The following HAUS7 variants were observed in gnomAD, a reference collection of about 807,000 sequenced individuals.
The protein encoded by HAUS7 is HAUS augmin-like complex subunit 7.
HAUS7 carries 3 observed loss-of-function variants against 28.4 expected under a neutral mutation model. That is an observed-to-expected ratio of 0.11 (90% confidence interval 0.05 to 0.27). The LOEUF (loss-of-function observed/expected upper bound fraction) is 0.27, where lower values mean the gene tolerates loss of function less well. Among genes scored for constraint, HAUS7 ranks in the 10% least tolerant of loss-of-function variants. The pLI is 1.00. For missense variants in HAUS7, 284 were observed against 297.3 expected, an observed-to-expected ratio of 0.96 and a Z score of 0.33; for synonymous variants, 165 against 132.1, an observed-to-expected ratio of 1.25 and a Z score of -1.71.
At chrX:153,485,418 A>G (rs1185790345) in intron 1 of HAUS7, among the ~76,000 whole-genome samples, 1 of 111,818 alleles carries the variant, frequency 8.9e-6, no homozygotes, top group Non-Finnish European at 1.9e-5. Flanking sequence ...ATTAGGAGAC[A>G]GGAGACCCTG....
chrX:153,455,521 G>A lies in HAUS7; in HGVS notation c.930+21C>T, dbSNP rs6571304. 18,792 of 1,040,445 alleles carry A rather than the reference G, an allele frequency of 0.018. 901 individuals are homozygous for A. The African/African-American group carries it at 0.2, about 11-fold the overall frequency. The allele number at this position is 1,040,445 out of a possible 1,213,427, so 85.7% of individuals were successfully genotyped here. A position where few individuals can be genotyped will look rare whatever the true frequency, so the allele number is the denominator to read the frequency against. Reference sequence around the variant, plus strand: ...GAACAGGGGAGGGGGCGGTTAGAGGGGAGGGGAAGGGCACCCTTACTTGGC... The same window carrying A: ...GAACAGGGGAGGGGGCGGTTAGAGGAGAGGGGAAGGGCACCCTTACTTGGC... On this transcript the variant is annotated intron_variant, in intron 8 of 9. Coordinates refer to ENST00000370211, the MANE Select transcript of HAUS7 (RefSeq NM_001385482.1).
intron 9 of HAUS7, among the ~76,000 whole-genome samples, chrX:153,448,542 A>G: frequency 9.1e-6 from 1 of 110,431 alleles, no homozygotes; most frequent in Non-Finnish European, 1.9e-5. Flanking sequence ...TTAAAGTATA[A>G]TAAAAATATA....
chrX:153,455,540 A>T lies in HAUS7; in HGVS notation c.930+2T>A. 8.6e-7 allele frequency: 1 copy of T among 1,166,199 alleles called. No homozygotes were observed. ...TAGAGGGGAGGGGAAGGGCACCCTT[A>T]CTTGGCTGTAGGAAGTCAGATTCTG... On this transcript the variant is annotated splice_donor_variant, in intron 8 of 9. Coordinates refer to ENST00000370211, the MANE Select transcript of HAUS7 (RefSeq NM_001385482.1). LOFTEE classifies it high-confidence loss of function.
chrX:153,470,530 G>C lies in HAUS7; in HGVS notation c.28C>G (p.Arg10Gly). The C allele has an allele frequency of 2.5e-6, 3 of 1,197,454 alleles. No individual in the cohort carries two copies. The highest frequency in any genetic ancestry group is 3.6e-5 in the South Asian group (2 of 54,883). ...TCCTCTGAGTAGTCGTCGCCGCCAC[G>C]GCCGCAGCCAGCGTCCTGCCCCGCC... MAGQDAGCGRGGDDYSEDEG... is the reference protein window; with the variant it reads MAGQDAGCGGGGDDYSEDEG... Residue 10 changes from arginine to glycine, a missense_variant, in exon 1 of 10, where the codon CGT becomes GGT. By Grantham distance (125) the Arg-to-Gly change is moderately radical. Transcript: ENST00000370211.
Position 153,486,542 on chromosome X carries a change from G to A in HAUS7, c.-589+8832C>T, listed in dbSNP as rs781798232. 2.1e-5 allele frequency: 15 copies of A among 727,750 alleles called. No homozygotes were observed. In the African/African-American group the frequency reaches 2.2e-4, roughly 11 times the overall value. The allele number at this position is 727,750 out of a possible 1,213,427, so 60.0% of individuals were successfully genotyped here. A position where few individuals can be genotyped will look rare whatever the true frequency, so the allele number is the denominator to read the frequency against. On this transcript the variant is annotated intron_variant, in intron 1 of 5. Transcript: ENST00000370210. ...GCTCGGTCTTACTGCTTCTCTCAGG[G>A]CAGGGGTCTCTGTCTCTTCTTGAAT...
intron 1 of HAUS7, chrX:153,481,317 C>T: frequency 1.4e-6 from 1 of 723,788 alleles, no homozygotes; most frequent in Non-Finnish European, 1.6e-6. Context: ...TCAGTAGGGC[C>T]CCTGTTGCTT....
chrX:153,467,348 G>C (rs2089466191), intron 2 of HAUS7, among the ~76,000 whole-genome samples: 1 of 111,572 alleles, frequency 9.0e-6, no homozygotes, highest in Non-Finnish European at 1.9e-5. Context: ...AGCACCCTGA[G>C]TCACCTTACC....
intron 1 of HAUS7, chrX:153,487,140 GATTCAGAGGGCTTGGGTCCCACAGCTTCT>G: frequency 9.2e-6 from 2 of 217,493 alleles, no homozygotes; most frequent in Non-Finnish European, 1.7e-5. Context: ...TCAGCAAAGA[GATTCAGAGGGCTTGGGTCCCACAGCTTCT>G]CTGAGAGCCT....
intron 4 of HAUS7, chrX:153,462,255 C>A: frequency 1.4e-6 from 1 of 724,546 alleles, no homozygotes; most frequent in Non-Finnish European, 1.6e-6. Flanking sequence ...TCTCGGGCCA[C>A]AAGGGCTTGG....
intron 4 of HAUS7, among the ~76,000 whole-genome samples, chrX:153,459,770 C>G (rs1302453303): frequency 3.6e-5 from 4 of 112,503 alleles, no homozygotes; most frequent in African/African-American, 1.3e-4. Context: ...CATCCCAGCA[C>G]TTTGGGAGGC....
At chrX:153,463,546 C>T (rs782464334) in intron 3 of HAUS7, among the ~76,000 whole-genome samples, 7 of 112,607 alleles carry the variant, frequency 6.2e-5, no homozygotes, top group Non-Finnish European at 1.1e-4. Flanking sequence ...GCCTCTTCCC[C>T]GGGCACCCTG....
upstream of HAUS7, chrX:153,470,669 C>A: frequency 3.8e-6 from 4 of 1,055,968 alleles, no homozygotes; most frequent in Non-Finnish European, 5.0e-6. Flanking sequence ...ACCCCCTTCC[C>A]GACCGACCCT....
chrX:153,490,647 G>A (rs1331634939), intron 1 of HAUS7, among the ~76,000 whole-genome samples: 13 of 112,962 alleles, frequency 1.2e-4, no homozygotes, highest in Non-Finnish European at 1.9e-4. Flanking sequence ...GGGAATGGAC[G>A]AAGCCCACAG....
At chrX:153,457,280 G>A (rs1556982506) in intron 4 of HAUS7, 52 bp from the exon 5 acceptor site, 1 of 852,845 alleles carries the variant, frequency 1.2e-6, no homozygotes, top group African/African-American at 2.0e-5. Context: ...GCCAGGCCAA[G>A]GCCAGCTGTC....
intron 4 of HAUS7, among the ~76,000 whole-genome samples, chrX:153,460,909 G>T (rs1453400221): frequency 8.9e-6 from 1 of 112,549 alleles, no homozygotes; most frequent in Non-Finnish European, 1.9e-5. Context: ...AAAGACAGTG[G>T]AGAGGAAACG....
chrX:153,485,314 T>C (rs938799392), intron 1 of HAUS7, among the ~76,000 whole-genome samples: 40 of 111,578 alleles, frequency 3.6e-4, no homozygotes, highest in African/African-American at 1.2e-3. Flanking sequence ...GGAGAGGGCT[T>C]CGAGGCCGAG....
In HAUS7 at chrX:153,456,680, G is replaced by A. The variant is rs7061414; in HGVS notation, c.447-29C>T. 5.2e-4 allele frequency: 592 copies of A among 1,128,713 alleles called. 7 individuals carry two copies. In the African/African-American group the frequency reaches 8.2e-3, roughly 16 times the overall value. 93.0% of individuals were successfully genotyped at this position (1,128,713 alleles called of 1,213,427 possible). On this transcript the variant is annotated intron_variant, in intron 5 of 9. Coordinates refer to ENST00000370211, the MANE Select transcript of HAUS7 (RefSeq NM_001385482.1). ...CAAAGGCAGCCCCCAGGGCCACACCGTCACAGGCCAGAGCACTCGCCCAGC... is the reference window on the plus strand; with the variant it reads ...CAAAGGCAGCCCCCAGGGCCACACCATCACAGGCCAGAGCACTCGCCCAGC...
intron 1 of HAUS7, among the ~76,000 whole-genome samples, chrX:153,477,355 G>A (rs781989722): frequency 2.6e-4 from 29 of 113,338 alleles, no homozygotes; most frequent in Non-Finnish European, 1.3e-4. Flanking sequence ...GGGGAGGGGC[G>A]GAGCCGGGGT....
At chrX:153,474,788 G>T (rs1427200344), upstream of HAUS7, among the ~76,000 whole-genome samples, 1 of 106,316 alleles carries the variant, frequency 9.4e-6, no homozygotes, top group Non-Finnish European at 2.0e-5. Flanking sequence ...GCGGCTCGCG[G>T]GAGGTGGCGG....
Sources: gnomAD v4.1 joint callset for allele counts (sites outside exome capture counted in the v4.1 genomes callset) on GRCh38, gnomAD v4.1.1 for gene constraint, MANE v1.5 for transcripts, NCBI Gene and HGNC (gene_info 2026-07-23, HGNC 2026-07-21) for gene names.